The following DLG2 variants were observed in gnomAD, a reference collection of about 807,000 sequenced individuals.
DLG2 encodes the protein discs large MAGUK scaffold protein 2.
Under a neutral mutation model 132.5 loss-of-function variants are expected in DLG2, and 45 were observed. The observed-to-expected ratio is 0.34, with a 90% CI of 0.27 to 0.44. DLG2 has a LOEUF of 0.44. Among genes scored for constraint, DLG2 ranks in the 20% least tolerant of loss-of-function variants. DLG2 has a pLI of 1.00. For missense variants in DLG2, 1,045 were observed against 1,196.9 expected, an observed-to-expected ratio of 0.87 and a Z score of 1.87; for synonymous variants, 424 against 419.6, an observed-to-expected ratio of 1.01 and a Z score of -0.13.
At chr11:83,541,972 A>G in intron 19 of DLG2, 114 bp from the exon 20 acceptor site, 1 of 961,910 alleles carries the variant, frequency 1.0e-6, no homozygotes, top group South Asian at 2.1e-5. Context: ...CTTGATATCA[A>G]CTCCCGGAAT....
intron 7 of DLG2, among the ~76,000 whole-genome samples, chr11:84,476,214 T>C (rs1253077663): frequency 1.3e-5 from 2 of 152,178 alleles, no homozygotes; most frequent in African/African-American, 2.4e-5. Flanking sequence ...AACTCACATC[T>C]ATCTGACTCT....
At chr11:83,666,442 T>C (rs1009717111) in intron 18 of DLG2, among the ~76,000 whole-genome samples, 1 of 152,156 alleles carries the variant, frequency 6.6e-6, no homozygotes, top group South Asian at 2.1e-4. Context: ...CAAAGCCTAT[T>C]GTGAACTACA....
intron 6 of DLG2, among the ~76,000 whole-genome samples, chr11:84,712,096 G>T (rs1204912094): frequency 6.6e-6 from 1 of 151,964 alleles, no homozygotes; most frequent in Non-Finnish European, 1.5e-5. Context: ...AAAGATACTG[G>T]GAATGATTTC....
At chr11:84,807,612 A>T (rs1277704410) in intron 6 of DLG2, among the ~76,000 whole-genome samples, 1 of 152,244 alleles carries the variant, frequency 6.6e-6, no homozygotes, top group Non-Finnish European at 1.5e-5. Flanking sequence ...GCCTAGAAGA[A>T]ATTCACTTTC....
intron 7 of DLG2, among the ~76,000 whole-genome samples, chr11:84,487,536 C>T (rs543886396): frequency 3.8e-4 from 58 of 152,168 alleles, no homozygotes; most frequent in Non-Finnish European, 7.6e-4. Context: ...TTCAGAATGT[C>T]CTAATAACTT....
intron 6 of DLG2, among the ~76,000 whole-genome samples, chr11:84,790,591 G>A (rs77003075): frequency 0.062 from 9,436 of 152,208 alleles, 382 homozygotes; most frequent in Non-Finnish European, 0.093. Context: ...TTAACTTGAT[G>A]TGATTGCATT....
chr11:84,308,057 C>T (rs2098245073), intron 7 of DLG2, among the ~76,000 whole-genome samples: 1 of 152,124 alleles, frequency 6.6e-6, no homozygotes, highest in African/African-American at 2.4e-5. Flanking sequence ...AACAAAGCCC[C>T]CACAACGCAG....
intron 6 of DLG2, among the ~76,000 whole-genome samples, chr11:84,990,372 G>A (rs1381695660): frequency 6.6e-6 from 1 of 152,204 alleles, no homozygotes; most frequent in Non-Finnish European, 1.5e-5. Flanking sequence ...AAGCCCTCAT[G>A]AATGAGATTA....
At chr11:83,467,258 G>A (rs1243841313) in intron 25 of DLG2, among the ~76,000 whole-genome samples, 1 of 152,200 alleles carries the variant, frequency 6.6e-6, no homozygotes, top group East Asian at 1.9e-4. Flanking sequence ...CAATAGTTTA[G>A]TGCTAGGAGC....
intron 6 of DLG2, among the ~76,000 whole-genome samples, chr11:84,750,818 T>A (rs2066010378): frequency 6.6e-6 from 1 of 152,182 alleles, no homozygotes; most frequent in Non-Finnish European, 1.5e-5. Context: ...TAATTTATGA[T>A]CTTACCACCT....
chr11:83,460,999 GTTTTTTTT>G (rs10591072), intron 27 of DLG2, among the ~76,000 whole-genome samples: 31,991 of 107,676 alleles, frequency 0.3, 3,252 homozygotes, highest in Middle Eastern at 0.44. Context: ...AAGTTCTTGG[GTTTTTTTT>G]TTTTTTTTTT....
At chr11:84,875,927 G>C (rs983695479) in intron 6 of DLG2, among the ~76,000 whole-genome samples, 2 of 151,988 alleles carry the variant, frequency 1.3e-5, no homozygotes, top group Admixed American at 1.3e-4. Flanking sequence ...TAGTAGAGAC[G>C]GGGTTTCACC....
chr11:83,514,434 G>C (rs2095204315), intron 21 of DLG2, among the ~76,000 whole-genome samples: 1 of 152,190 alleles, frequency 6.6e-6, no homozygotes, highest in Non-Finnish European at 1.5e-5. Flanking sequence ...TTTGGGCTGA[G>C]ACGATGGGGT....
At position 85,123,667 on chromosome 11, in the gene DLG2, T is replaced by C. The variant is rs575206661; in HGVS notation, c.283-11932A>G. 2.6e-3 allele frequency among the ~76,000 whole-genome samples: 390 copies of C among 152,296 alleles called. 1 individual carries two copies. The highest frequency in any genetic ancestry group is 3.4e-3 in the Non-Finnish European group (230 of 68,018). ...GGCTTAAATTTACTTAATAGGTAAA[T>C]AGAATTCCAAATTCCAAGAACTCAT... is the stretch of plus-strand genomic sequence containing the variant. On this transcript the variant is annotated intron_variant, in intron 5 of 27. Transcript: ENST00000376104.
At chr11:83,877,607 A>G (rs1346178389) in intron 15 of DLG2, among the ~76,000 whole-genome samples, 5 of 152,182 alleles carry the variant, frequency 3.3e-5, no homozygotes, top group African/African-American at 1.2e-4. Context: ...CCTGAGGTGC[A>G]CAGAGAATTT....
intron 18 of DLG2, among the ~76,000 whole-genome samples, chr11:83,728,522 C>A (rs2090432091): frequency 6.6e-6 from 1 of 152,210 alleles, no homozygotes; most frequent in Non-Finnish European, 1.5e-5. Context: ...ATTCCCATAG[C>A]ATTTCCTATA....
chr11:84,028,876 C>G (rs1036003399), intron 11 of DLG2, among the ~76,000 whole-genome samples: 1 of 152,080 alleles, frequency 6.6e-6, no homozygotes, highest in African/African-American at 2.4e-5. Context: ...TACATGTCTA[C>G]TTTCCCAGTA....
At chr11:84,896,649 C>T (rs1381989356) in intron 6 of DLG2, among the ~76,000 whole-genome samples, 1 of 151,702 alleles carries the variant, frequency 6.6e-6, no homozygotes, top group Non-Finnish European at 1.5e-5. Flanking sequence ...GCCACTTATC[C>T]ACAGTTTTGT....
At chr11:83,484,391 A>G (rs1049086379) in intron 21 of DLG2, among the ~76,000 whole-genome samples, 163 bp from the exon 22 acceptor site, 5 of 152,138 alleles carry the variant, frequency 3.3e-5, no homozygotes, top group African/African-American at 1.2e-4. Flanking sequence ...TTTTATTTTC[A>G]AGGAGTATAA....
Sources: gnomAD v4.1 joint callset for allele counts (sites outside exome capture counted in the v4.1 genomes callset) on GRCh38, gnomAD v4.1.1 for gene constraint, MANE v1.5 for transcripts, NCBI Gene and HGNC (gene_info 2026-07-23, HGNC 2026-07-21) for gene names.